MYO7A: variants seen among roughly 807,000 people sequenced by gnomAD.
The protein encoded by MYO7A is myosin VIIA.
MYO7A carries 210 observed loss-of-function variants against 263.8 expected under a neutral mutation model. The observed-to-expected ratio is 0.80, with a 90% CI of 0.71 to 0.89. The LOEUF (loss-of-function observed/expected upper bound fraction) is 0.89, where lower values mean the gene tolerates loss of function less well. MYO7A is among the 40% of genes least tolerant of loss of function. The pLI, the probability that MYO7A is intolerant of heterozygous loss-of-function variation, is 0.00. For synonymous variants in MYO7A, 1,239 were observed against 1,197.3 expected, an observed-to-expected ratio of 1.03 and a Z score of -0.72; for missense variants, 2,820 against 2,968.3, an observed-to-expected ratio of 0.95 and a Z score of 1.16.
chr11:77,214,239 G>A (rs1459258663), intron 48 of MYO7A, among the ~76,000 whole-genome samples: 2 of 152,204 alleles, frequency 1.3e-5, no homozygotes, highest in Non-Finnish European at 2.9e-5. Flanking sequence ...GGCCCACTGT[G>A]ACAGCCCTTT....
chr11:77,203,281 C>T, intron 38 of MYO7A, 64 bp downstream of exon 38: 1 of 1,511,304 alleles, frequency 6.6e-7, no homozygotes, highest in Non-Finnish European at 8.9e-7. Context: ...CGTCTGCACA[C>T]TGCCTTCCTC....
chr11:77,213,990 A>C lies in MYO7A; in HGVS notation c.6558+11A>C. On this transcript the variant is annotated intron_variant, in intron 48 of 48. Transcript: ENST00000409709. The stretch of plus-strand genomic sequence containing the variant: ...TGCGAGACGTCACTGGTGAGGGCGC[A>C]TCCTGCTGGGCCTAGTGGGCTCCCT... 6.2e-7 allele frequency: 1 copy of C among 1,614,016 alleles called. No individual in the cohort carries two copies.
intron 3 of MYO7A, among the ~76,000 whole-genome samples, chr11:77,147,574 C>T (rs1250558857): frequency 1.3e-5 from 2 of 152,162 alleles, no homozygotes; most frequent in Non-Finnish European, 2.9e-5. Context: ...CCTCTTAGGT[C>T]TGCGGGAAAA....
chr11:77,199,310 G>A (rs1029928239), intron 34 of MYO7A, among the ~76,000 whole-genome samples: 8 of 152,214 alleles, frequency 5.3e-5, no homozygotes, highest in Non-Finnish European at 1.0e-4. Flanking sequence ...CTGTGGGAGG[G>A]CAGGGAGGAC....
At chr11:77,151,834 G>T (rs1565329066) in intron 4 of MYO7A, among the ~76,000 whole-genome samples, 1 of 152,252 alleles carries the variant, frequency 6.6e-6, no homozygotes, top group Non-Finnish European at 1.5e-5. Flanking sequence ...CTCTTCCGGA[G>T]ACCCCAGCTG....
chr11:77,196,243 T>C (rs1288768613), intron 32 of MYO7A, among the ~76,000 whole-genome samples: 4 of 152,116 alleles, frequency 2.6e-5, no homozygotes, highest in Non-Finnish European at 4.4e-5. Context: ...GGTGGGTGCC[T>C]GTGATCCTAG....
Position 77,201,617 on chromosome 11 carries a change from C to A in MYO7A, c.5022C>A (p.Thr1674=). ...TDSVYVMPTV[T]MPPREIVALV... is the part of the protein sequence containing the mutation. Reference sequence around the variant, plus strand: ...GTGTGTACGTCATGCCCACTGTCACCATGCCACCGCGGGAGATTGTGGTAT... The same window carrying A: ...GTGTGTACGTCATGCCCACTGTCACAATGCCACCGCGGGAGATTGTGGTAT... Residue 1674 remains threonine, a synonymous_variant, in exon 36 of 49, where the codon ACC becomes ACA. Coordinates refer to ENST00000409709, the MANE Select transcript of MYO7A (RefSeq NM_000260.4). 1 of 1,613,624 alleles carries A rather than the reference C, an allele frequency of 6.2e-7. No individual in the cohort carries two copies. Among genetic ancestry groups the A allele is most frequent in the South Asian group, 1.1e-5 (1 of 91,076 alleles).
chr11:77,184,857 G>C, intron 27 of MYO7A, 142 bp downstream of exon 27: 1 of 1,366,802 alleles, frequency 7.3e-7, no homozygotes, highest in Non-Finnish European at 1.0e-6. Flanking sequence ...TAGGACCTTG[G>C]TGGAGTTATT....
At chr11:77,157,127 T>C in intron 7 of MYO7A, 123 bp downstream of exon 7, 5 of 1,455,072 alleles carry the variant, frequency 3.4e-6, no homozygotes, top group Non-Finnish European at 4.7e-6. Context: ...GCTGCCTGCT[T>C]CCCTCTGTGC....
intron 4 of MYO7A, among the ~76,000 whole-genome samples, chr11:77,154,850 G>A (rs1050792128): frequency 2.0e-5 from 3 of 152,172 alleles, no homozygotes; most frequent in Non-Finnish European, 4.4e-5. Flanking sequence ...GGCCCCACCT[G>A]GCCCCAGGGT....
rs1307822242 is a variant in MYO7A at position 77,204,143 on chromosome 11, G to T, written c.5394G>T (p.Gln1798His). 5 of 1,597,972 alleles carry T rather than the reference G, an allele frequency of 3.1e-6. No individual in the cohort carries two copies. Among genetic ancestry groups the T allele is most frequent in the Non-Finnish European group, 3.4e-6 (4 of 1,172,674 alleles). ...RTRSVNELTD[Q>H]IFEGPLKAEP... Reference sequence around the variant, plus strand: ...GCTCCGTCAACGAGCTCACCGACCAGATCTTTGAGGGTCCCCTGAAAGCCG... The same window carrying T: ...GCTCCGTCAACGAGCTCACCGACCATATCTTTGAGGGTCCCCTGAAAGCCG... The change falls in exon 39 of 49, where the codon CAG becomes CAT. Residue 1798 changes from glutamine to histidine, a missense_variant. Physicochemically the swap from Gln to His is conservative, Grantham distance 24. Coordinates refer to ENST00000409709, the MANE Select transcript of MYO7A (RefSeq NM_000260.4).
At position 77,161,078 on chromosome 11, in the gene MYO7A, C is replaced by G; in HGVS notation, c.1306C>G (p.Leu436Val). ...VKNSRRSIGL[L>V]DIFGFENFAV... ...GAACTCTCGCAGGTCCATCGGCCTC[C>G]TGGACATCTTTGGGTTTGAGAACTT... Residue 436 changes from leucine to valine, a missense_variant, in exon 12 of 49, where the codon CTG becomes GTG. Coordinates refer to ENST00000409709, the MANE Select transcript of MYO7A (RefSeq NM_000260.4). 1 of 1,614,010 alleles carries G rather than the reference C, an allele frequency of 6.2e-7. No homozygotes were observed. Among genetic ancestry groups the G allele is most frequent in the Non-Finnish European group, 8.5e-7 (1 of 1,179,890 alleles).
chr11:77,183,723 A>T (rs1555086440), intron 26 of MYO7A, among the ~76,000 whole-genome samples: 1 of 151,904 alleles, frequency 6.6e-6, no homozygotes, highest in African/African-American at 2.4e-5. Flanking sequence ...ACATTTGCAC[A>T]TGCCAGTCCC....
At chr11:77,161,731 C>T (rs1252993176) in intron 12 of MYO7A, among the ~76,000 whole-genome samples, 2 of 152,248 alleles carry the variant, frequency 1.3e-5, no homozygotes, top group Admixed American at 1.3e-4. Context: ...TCCCACCTCC[C>T]AAGGCCACTT....
Position 77,190,022 on chromosome 11 carries a change from CCTGCGGAACTT to C in MYO7A, c.3635_3645del (p.Leu1212HisfsTer13). 2 of 1,545,632 alleles carry C rather than the reference CCTGCGGAACTT, an allele frequency of 1.3e-6. No homozygotes were observed. Among genetic ancestry groups the C allele is most frequent in the Non-Finnish European group, 1.7e-6 (2 of 1,144,680 alleles). ...CTCAGCGGGTACTCTGGCTGCAGTA[CCTGCGGAACTT>C]CATCCACGGGGGCCCGCCCGGCTAC... On this transcript the variant is annotated frameshift_variant, in exon 29 of 49. Transcript: ENST00000409709. LOFTEE classifies it high-confidence loss of function.
chr11:77,200,616 C>A (rs112180355), intron 35 of MYO7A, among the ~76,000 whole-genome samples: 19 of 152,356 alleles, frequency 1.2e-4, no homozygotes, highest in African/African-American at 4.3e-4. Context: ...ACAGACCATG[C>A]CCCGTGGCCT....
chr11:77,207,226 G>A (rs1249934546), intron 41 of MYO7A, 63 bp from the exon 42 acceptor site: 7 of 1,206,322 alleles, frequency 5.8e-6, no homozygotes, highest in Non-Finnish European at 7.2e-6. Flanking sequence ...AGCCAGAGGG[G>A]CCCGGGAGGA....
chr11:77,189,924 A>AGG (rs1955922098), intron 28 of MYO7A, 96 bp from the exon 29 acceptor site: 1 of 1,439,944 alleles, frequency 6.9e-7, no homozygotes, highest in South Asian at 1.5e-5. Context: ...CCTGGCCTGG[A>AGG]GGAGCGGCCT....
intron 41 of MYO7A, among the ~76,000 whole-genome samples, chr11:77,206,453 G>A (rs1957452382): frequency 6.6e-6 from 1 of 152,206 alleles, no homozygotes; most frequent in South Asian, 2.1e-4. Context: ...CCCTGTCTCT[G>A]AGGAGGACTT....
Sources: gnomAD v4.1 joint callset for allele counts (sites outside exome capture counted in the v4.1 genomes callset) on GRCh38, gnomAD v4.1.1 for gene constraint, MANE v1.5 for transcripts, NCBI Gene and HGNC (gene_info 2026-07-23, HGNC 2026-07-21) for gene names.